DLGAP2: variants seen among roughly 807,000 people sequenced by gnomAD.
DLGAP2 encodes DLG associated protein 2, also known as disks large-associated protein 2.
DLGAP2 carries 26 observed loss-of-function variants against 100.3 expected under a neutral mutation model. The observed-to-expected ratio is 0.26, with a 90% CI of 0.19 to 0.36. The LOEUF is 0.36. Ranked by LOEUF, DLGAP2 falls within the 10% of genes least tolerant of loss-of-function variation. The probability of loss-of-function intolerance (pLI) is 1.00; values close to 1 mark genes in which losing one functional copy is unlikely to be tolerated. For missense variants in DLGAP2, 1,858 were observed against 1,453.2 expected (o/e 1.28, Z -4.53); for synonymous variants, 886 against 630.1 (o/e 1.41, Z -6.08).
chr8:1,520,914 T>G (rs1432649035), intron 4 of DLGAP2, among the ~76,000 whole-genome samples: 1 of 152,188 alleles, frequency 6.6e-6, no homozygotes, highest in East Asian at 1.9e-4. Context: ...GTGCCTAGTT[T>G]TGTAAGAAAC....
intron 2 of DLGAP2, among the ~76,000 whole-genome samples, chr8:1,246,203 T>C (rs1368690648): frequency 3.3e-5 from 5 of 152,198 alleles, no homozygotes; most frequent in Non-Finnish European, 5.9e-5. Flanking sequence ...TGTGGGTAAT[T>C]GGCCCAGACA....
At chr8:765,834 C>T (rs961056308) in intron 1 of DLGAP2, among the ~76,000 whole-genome samples, 4 of 152,132 alleles carry the variant, frequency 2.6e-5, no homozygotes, top group Non-Finnish European at 5.9e-5. Context: ...TGCACAAACA[C>T]ACCCCCACAC....
intron 2 of DLGAP2, among the ~76,000 whole-genome samples, chr8:1,216,654 G>A (rs1031695053): frequency 1.4e-4 from 22 of 151,978 alleles, no homozygotes; most frequent in Admixed American, 1.1e-3. Flanking sequence ...ATTTTTAACC[G>A]CCAATAAGTA....
chr8:1,185,968 C>G (rs1375631384), intron 2 of DLGAP2, among the ~76,000 whole-genome samples: 1 of 152,152 alleles, frequency 6.6e-6, no homozygotes. Flanking sequence ...CCTGTCACCT[C>G]CCTCCAGGAA....
At chr8:1,177,407 T>C (rs1358071791) in intron 2 of DLGAP2, among the ~76,000 whole-genome samples, 1 of 152,122 alleles carries the variant, frequency 6.6e-6, no homozygotes, top group Non-Finnish European at 1.5e-5. Context: ...TTCTGCCATC[T>C]GTTGTCAGGA....
At chr8:813,247 A>C (rs1463031928) in intron 1 of DLGAP2, among the ~76,000 whole-genome samples, 2 of 152,026 alleles carry the variant, frequency 1.3e-5, no homozygotes, top group African/African-American at 2.4e-5. Context: ...CTAGTGGTTT[A>C]TATTTCCTTT....
intron 2 of DLGAP2, among the ~76,000 whole-genome samples, chr8:922,946 G>A (rs894269158): frequency 6.6e-6 from 1 of 152,186 alleles, no homozygotes; most frequent in African/African-American, 2.4e-5. Flanking sequence ...GAATATAGAG[G>A]GAGGTGCCCA....
Position 1,410,261 on chromosome 8 carries a change from C to T in DLGAP2, c.107-91105C>T, listed in dbSNP as rs78451049. On this transcript the variant is annotated intron_variant, in intron 3 of 14. Transcript: ENST00000637795. Reference sequence around the variant, plus strand: ...AGCAGAATCTTTGCATTGTGAGGCACTGGCAATGAGGATACCAGTAATAGT... The same window carrying T: ...AGCAGAATCTTTGCATTGTGAGGCATTGGCAATGAGGATACCAGTAATAGT... Among the ~76,000 whole-genome samples, 533 of 152,306 alleles carry T rather than the reference C, an allele frequency of 3.5e-3. 9 individuals are homozygous for T. In the East Asian group the frequency reaches 0.048, roughly 14 times the overall value.
intron 4 of DLGAP2, among the ~76,000 whole-genome samples, chr8:1,525,483 T>C (rs1258002808): frequency 6.6e-6 from 1 of 152,210 alleles, no homozygotes; most frequent in Non-Finnish European, 1.5e-5. Flanking sequence ...ATCCTGGCGA[T>C]GGCAGAACAG....
chr8:1,234,718 G>T (rs771592984), intron 2 of DLGAP2, among the ~76,000 whole-genome samples: 2 of 152,170 alleles, frequency 1.3e-5, no homozygotes, highest in Non-Finnish European at 2.9e-5. Flanking sequence ...CAGTGATTCT[G>T]TTGCACGTCA....
intron 1 of DLGAP2, among the ~76,000 whole-genome samples, chr8:751,393 G>C (rs1277860174): frequency 6.6e-6 from 1 of 152,210 alleles, no homozygotes; most frequent in Non-Finnish European, 1.5e-5. Context: ...GCTGCTGCAA[G>C]TTTCTGACAG....
intron 2 of DLGAP2, among the ~76,000 whole-genome samples, chr8:1,003,856 A>C (rs1487158559): frequency 6.6e-6 from 1 of 152,206 alleles, no homozygotes; most frequent in Non-Finnish European, 1.5e-5. Flanking sequence ...ACATTCTATC[A>C]AGAGATGATA....
chr8:1,429,869 C>A (rs1797361533), intron 3 of DLGAP2, among the ~76,000 whole-genome samples: 1 of 150,490 alleles, frequency 6.6e-6, no homozygotes, highest in East Asian at 2.0e-4. Flanking sequence ...GTGATCTGGC[C>A]ATTCATTGTG....
rs1201924403 is a variant in DLGAP2, at chr8:1,238,115, G to C, written c.74-20736G>C. Among the ~76,000 whole-genome samples, 2 of 15,442 alleles carry C rather than the reference G, an allele frequency of 1.3e-4. 1 individual carries two copies. Among genetic ancestry groups the C allele is most frequent in the Admixed American group, 1.3e-3 (2 of 1,586 alleles). The allele number at this position is 15,442 out of a possible 152,430, so 10.1% of individuals were successfully genotyped here. On this transcript the variant is annotated intron_variant, in intron 2 of 14. Transcript: ENST00000637795. The stretch of plus-strand genomic sequence containing the variant: ...GTTCTCTCACATGGCGCCGTGTCTA[G>C]TTACGTCTTACACGGTGCTGTGTCT...
chr8:1,128,881 G>A (rs190184693), intron 2 of DLGAP2, among the ~76,000 whole-genome samples: 1 of 152,250 alleles, frequency 6.6e-6, no homozygotes, highest in African/African-American at 2.4e-5. Context: ...AGCCCTGAAG[G>A]TACAGCATGA....
intron 6 of DLGAP2, among the ~76,000 whole-genome samples, chr8:1,603,152 T>C (rs1796681883): frequency 6.6e-6 from 1 of 151,044 alleles, no homozygotes; most frequent in Admixed American, 6.6e-5. Context: ...GAGTGGAGGC[T>C]GGGTCTCAGT....
At chr8:1,006,053 G>T (rs1303806700) in intron 2 of DLGAP2, among the ~76,000 whole-genome samples, 1 of 152,080 alleles carries the variant, frequency 6.6e-6, no homozygotes, top group African/African-American at 2.4e-5. Flanking sequence ...GCTGGGTGTG[G>T]TGGCGGGCAC....
At chr8:1,516,573 G>A (rs1397649824) in intron 4 of DLGAP2, among the ~76,000 whole-genome samples, 2 of 151,010 alleles carry the variant, frequency 1.3e-5, no homozygotes, top group Admixed American at 6.6e-5. Flanking sequence ...GGGAGGGAGG[G>A]CGTGAATGAG....
At chr8:1,562,389 G>T (rs1802203385) in intron 5 of DLGAP2, among the ~76,000 whole-genome samples, 1 of 61,090 alleles carries the variant, frequency 1.6e-5, no homozygotes, top group Non-Finnish European at 3.1e-5. Flanking sequence ...ACTGTGTGGT[G>T]TTCGGGTGTC....
Sources: gnomAD v4.1 joint callset for allele counts (sites outside exome capture counted in the v4.1 genomes callset) on GRCh38, gnomAD v4.1.1 for gene constraint, MANE v1.5 for transcripts, NCBI Gene and HGNC (gene_info 2026-07-23, HGNC 2026-07-21) for gene names.